The following TMEM220 variants were observed in gnomAD, a reference collection of about 807,000 sequenced individuals.
The protein encoded by TMEM220 is transmembrane protein 220.
In TMEM220, 21 loss-of-function variants were observed where a neutral mutation model predicts 21.7. That is an observed-to-expected ratio of 0.97 (90% CI 0.69 to 1.39). TMEM220 has a LOEUF of 1.39. Among genes scored for constraint, TMEM220 ranks in the 40% most tolerant of loss-of-function variants. The pLI is 0.00. For missense variants in TMEM220, 191 were observed against 201.9 expected, an observed-to-expected ratio of 0.95 and a Z score of 0.33; for synonymous variants, 80 against 73.6, an observed-to-expected ratio of 1.09 and a Z score of -0.45.
In TMEM220 at chr17:10,715,557, T is replaced by A. The variant is rs557526004; in HGVS notation, c.379A>T (p.Ile127Phe). The A allele has an allele frequency of 3.8e-6, 6 of 1,596,272 alleles. No homozygotes were observed. The South Asian group carries it at 7.0e-5, about 19-fold the overall frequency. ...GGGAAAAGTGTGATTACAATGGCAA[T>A]AGCCAATTGAATTCTTCCACCAACT... ...NPVGGRIQLA[I>F]AIVITLFPFI... is the part of the protein sequence containing the mutation. The change falls in exon 6 of 6, where the codon ATT (isoleucine) becomes TTT (phenylalanine). Residue 127 changes from isoleucine to phenylalanine, a missense_variant. Ile to Phe is a conservative substitution (Grantham distance 21, BLOSUM62 0). Transcript: ENST00000341871.
chr17:10,718,827 T>C (rs1337954722), intron 5 of TMEM220, among the ~76,000 whole-genome samples: 1 of 152,246 alleles, frequency 6.6e-6, no homozygotes, highest in Non-Finnish European at 1.5e-5. Flanking sequence ...CTTTAAAATT[T>C]GTTAGTACTT....
Position 10,729,990 on chromosome 17 carries a change from T to C in TMEM220, c.-139A>G. On this transcript the variant is annotated 5_prime_UTR_variant, in exon 1 of 6. Transcript: ENST00000341871. Reference sequence around the variant, plus strand: ...TTTCGGTGCCTTGGGGACACTGCCGTGGCCGTCGCTCCGCCCGGGGGCGGG... The same window carrying C: ...TTTCGGTGCCTTGGGGACACTGCCGCGGCCGTCGCTCCGCCCGGGGGCGGG... 8.8e-7 allele frequency: 1 copy of C among 1,138,882 alleles called. No individual in the cohort carries two copies. The highest frequency in any genetic ancestry group is 1.1e-6 in the Non-Finnish European group (1 of 949,778). The allele number at this position is 1,138,882 out of a possible 1,614,324, so 70.5% of individuals were successfully genotyped here.
downstream of TMEM220, among the ~76,000 whole-genome samples, chr17:10,712,021 C>T (rs1274406621): frequency 6.6e-6 from 1 of 152,188 alleles, no homozygotes; most frequent in Non-Finnish European, 1.5e-5. Flanking sequence ...AACAAATTCC[C>T]ACAAACCTGG....
chr17:10,712,492 T>G (rs2074860911), downstream of TMEM220, among the ~76,000 whole-genome samples: 1 of 152,234 alleles, frequency 6.6e-6, no homozygotes, highest in Admixed American at 6.5e-5. Context: ...GTGACTATAA[T>G]GTACTCTTGC....
downstream of TMEM220, chr17:10,711,278 G>A: frequency 1.4e-6 from 1 of 733,918 alleles, no homozygotes; most frequent in Non-Finnish European, 2.2e-6. Flanking sequence ...AGTGTGTGAT[G>A]GTTGATAAAA....
At chr17:10,727,889 G>A (rs377539093) in intron 2 of TMEM220, among the ~76,000 whole-genome samples, 6 of 152,218 alleles carry the variant, frequency 3.9e-5, no homozygotes, top group African/African-American at 7.2e-5. Flanking sequence ...AGCCGGGCGC[G>A]GTGACTCATG....
intron 3 of TMEM220, among the ~76,000 whole-genome samples, chr17:10,725,542 G>GA (rs2151479553): frequency 6.6e-6 from 1 of 152,336 alleles, no homozygotes; most frequent in African/African-American, 2.4e-5. Flanking sequence ...TTGGTAGAGT[G>GA]AAGAAACACA....
chr17:10,728,028 C>T lies in TMEM220; in HGVS notation c.102+1003G>A, dbSNP rs148272552. Among the ~76,000 whole-genome samples, 672 of 152,068 alleles carry T rather than the reference C, an allele frequency of 4.4e-3. 1 individual carries two copies. The highest frequency in any genetic ancestry group is 0.022 in the East Asian group (113 of 5,158). ...ATACAAAATTAGCTGGGTGTGGTGG[C>T]GCATGCCTGTAATCCCAGTTACTTG... On this transcript the variant is annotated intron_variant, in intron 2 of 5. Transcript: ENST00000341871.
At position 10,725,100 on chromosome 17, in the gene TMEM220, G is replaced by A. The variant is rs764106966; in HGVS notation, c.198C>T (p.His66=). 4.3e-6 allele frequency: 7 copies of A among 1,614,098 alleles called. No individual in the cohort carries two copies. The Middle Eastern group carries it at 8.3e-4, about 190-fold the overall frequency. The part of the protein sequence containing the change: ...NVIWKSISAI[H]ILFCTVWAVG... ...CAGCCCACACCGTACAAAAGAGTAT[G>A]TGTATTGCAGAGATACTTTTCCAAA... The change falls in exon 4 of 6, where the codon CAC becomes CAT. Residue 66 remains histidine, a synonymous_variant. Coordinates refer to ENST00000341871, the MANE Select transcript of TMEM220 (RefSeq NM_001004313.3).
Position 10,715,355 on chromosome 17 carries a change from G to A in TMEM220, c.*98C>T. The A allele has an allele frequency of 8.9e-7, 1 of 1,121,144 alleles. No homozygotes were observed. The allele number at this position is 1,121,144 out of a possible 1,614,324, so 69.4% of individuals were successfully genotyped here. On this transcript the variant is annotated 3_prime_UTR_variant, in exon 6 of 6. Transcript: ENST00000341871. ...GTTATTTGGAGTTTTAAAACTATTA[G>A]CCCAAATTACCTGAAATAAACTCCT...
intron 5 of TMEM220, among the ~76,000 whole-genome samples, chr17:10,722,059 C>T (rs1051006619): frequency 6.7e-6 from 1 of 150,138 alleles, no homozygotes; most frequent in South Asian, 2.1e-4. Context: ...ACAGCACTAC[C>T]TCAGCTCACT....
Position 10,729,074 on chromosome 17 carries a change from A to ATACCAAGG in TMEM220, c.73-22_73-15dup, listed in dbSNP as rs1461588108. On this transcript the variant is annotated splice_polypyrimidine_tract_variant and intron_variant, in intron 1 of 5. Transcript: ENST00000341871. ...TGGGTCATTTACCTGGAACGCCAGA[A>ATACCAAGG]TACCAAGGTGTTAGCAGACATCCTG... 1 of 1,614,180 alleles carries ATACCAAGG rather than the reference A, an allele frequency of 6.2e-7. No homozygotes were observed. Among genetic ancestry groups the ATACCAAGG allele is most frequent in the Non-Finnish European group, 8.5e-7 (1 of 1,179,994 alleles).
chr17:10,723,841 T>C (rs2075020132), intron 4 of TMEM220, among the ~76,000 whole-genome samples: 1 of 152,180 alleles, frequency 6.6e-6, no homozygotes, highest in African/African-American at 2.4e-5. Flanking sequence ...ACTAATAATT[T>C]GGGGGTGGGT....
intron 1 of TMEM220, among the ~76,000 whole-genome samples, chr17:10,729,541 G>C (rs1275359084): frequency 6.6e-6 from 1 of 152,314 alleles, no homozygotes; most frequent in Non-Finnish European, 1.5e-5. Context: ...GAAGTTCCAC[G>C]CGCGGAACCA....
intron 5 of TMEM220, among the ~76,000 whole-genome samples, chr17:10,718,277 C>T (rs2074946527): frequency 6.6e-6 from 1 of 151,914 alleles, no homozygotes; most frequent in Non-Finnish European, 1.5e-5. Context: ...ATGATTTTTA[C>T]AATAGTTATT....
At chr17:10,717,360 T>A (rs2074934196) in intron 5 of TMEM220, among the ~76,000 whole-genome samples, 1 of 152,238 alleles carries the variant, frequency 6.6e-6, no homozygotes, top group Admixed American at 6.5e-5. Context: ...ACGCCCATTT[T>A]CTAAGAGCTT....
chr17:10,723,759 A>G (rs2075019287), intron 4 of TMEM220, among the ~76,000 whole-genome samples: 1 of 121,780 alleles, frequency 8.2e-6, no homozygotes, highest in Non-Finnish European at 1.7e-5. Flanking sequence ...AAACCAATAC[A>G]TGATCTGTGT....
At position 10,726,201 on chromosome 17, in the gene TMEM220, T is replaced by TA. The variant is rs766798994; in HGVS notation, c.163+2dup. On this transcript the variant is annotated splice_region_variant and intron_variant, in intron 3 of 5. Coordinates refer to ENST00000341871, the MANE Select transcript of TMEM220 (RefSeq NM_001004313.3). Reference sequence around the variant, plus strand: ...CTCTCCATTTAGAATGCAAGGCTTATACCTGTGACTTCAGGGTTAAGTCCA... The same window carrying TA: ...CTCTCCATTTAGAATGCAAGGCTTATAACCTGTGACTTCAGGGTTAAGTCCA... The TA allele has an allele frequency of 6.2e-7, 1 of 1,612,720 alleles. No homozygotes were observed. The highest frequency in any genetic ancestry group is 8.5e-7 in the Non-Finnish European group (1 of 1,178,682).
At chr17:10,718,436 G>T in intron 5 of TMEM220, among the ~76,000 whole-genome samples, 1 of 150,788 alleles carries the variant, frequency 6.6e-6, no homozygotes, top group South Asian at 2.1e-4. Flanking sequence ...TTTTTATGTT[G>T]ATTTTTTATT....
Sources: gnomAD v4.1 joint callset for allele counts (sites outside exome capture counted in the v4.1 genomes callset) on GRCh38, gnomAD v4.1.1 for gene constraint, MANE v1.5 for transcripts, NCBI Gene and HGNC (gene_info 2026-07-23, HGNC 2026-07-21) for gene names.